Variants in AK9 observed in about 807,000 individuals in gnomAD.
AK9 encodes the protein adenylate kinase domain containing 1.
AK9 carries 191 observed loss-of-function variants against 239.6 expected under a neutral mutation model. The observed-to-expected ratio is 0.80, with a 90% CI of 0.71 to 0.90. AK9 has a LOEUF of 0.90. Ranked by LOEUF, AK9 falls within the 40% of genes least tolerant of loss-of-function variation. The probability of loss-of-function intolerance (pLI) is 0.00; values close to 1 mark genes in which losing one functional copy is unlikely to be tolerated. For missense variants in AK9, 1,995 were observed against 2,214.7 expected, an observed-to-expected ratio of 0.90 and a Z score of 1.99; for synonymous variants, 689 against 721.0, an observed-to-expected ratio of 0.96 and a Z score of 0.71.
intron 8 of AK9, 117 bp from the exon 9 acceptor site, chr6:109,644,805 T>C: frequency 1.4e-6 from 1 of 700,712 alleles, no homozygotes; most frequent in Non-Finnish European, 2.2e-6. Flanking sequence ...GCCTTATACA[T>C]GCTATAATGT....
intron 1 of AK9, among the ~76,000 whole-genome samples, chr6:109,689,189 CTTT>C (rs201071633): frequency 6.6e-6 from 1 of 151,468 alleles, no homozygotes; most frequent in African/African-American, 2.4e-5. Context: ...TCCCATTAAT[CTTT>C]TTTTTTGTAA....
chr6:109,619,571 T>C (rs1794581991), intron 12 of AK9, among the ~76,000 whole-genome samples: 1 of 152,230 alleles, frequency 6.6e-6, no homozygotes, highest in Admixed American at 6.5e-5. Flanking sequence ...TTACATACAA[T>C]AAAAGGCATA....
At chr6:109,632,627 T>G (rs1402551162) in intron 12 of AK9, 2 of 469,694 alleles carry the variant, frequency 4.3e-6, no homozygotes, top group Non-Finnish European at 6.1e-6. Flanking sequence ...AGAAGATGAG[T>G]AGAACCAAGA....
At chr6:109,601,075 C>T (rs922848516) in intron 17 of AK9, among the ~76,000 whole-genome samples, 7 of 152,240 alleles carry the variant, frequency 4.6e-5, no homozygotes, top group African/African-American at 1.2e-4. Context: ...TCTCTATCTC[C>T]GTCAGTTCTG....
chr6:109,563,808 A>G, intron 23 of AK9, 96 bp from the exon 24 acceptor site: 1 of 1,338,856 alleles, frequency 7.5e-7, no homozygotes, highest in South Asian at 1.5e-5. Flanking sequence ...GATTATTATT[A>G]TTATTAGTCT....
chr6:109,500,605 T>C (rs189972508), intron 35 of AK9, among the ~76,000 whole-genome samples: 1 of 152,358 alleles, frequency 6.6e-6, no homozygotes, highest in Non-Finnish European at 1.5e-5. Context: ...GTTTGTTTTT[T>C]GTTTGTTAGG....
intron 19 of AK9, among the ~76,000 whole-genome samples, chr6:109,582,551 C>T (rs2128209017): frequency 6.6e-6 from 1 of 152,246 alleles, no homozygotes; most frequent in African/African-American, 2.4e-5. Flanking sequence ...GCTGCAATCT[C>T]ATGATCAAAC....
chr6:109,614,061 C>T, intron 15 of AK9, 122 bp downstream of exon 15: 1 of 874,690 alleles, frequency 1.1e-6, no homozygotes, highest in Non-Finnish European at 1.8e-6. Context: ...AAATATTTAG[C>T]TTTTTTCCTC....
chr6:109,678,555 A>G (rs1361588231), intron 1 of AK9, among the ~76,000 whole-genome samples: 1 of 152,214 alleles, frequency 6.6e-6, no homozygotes, highest in African/African-American at 2.4e-5. Flanking sequence ...ATTCCTCTAT[A>G]TTATTTCTTA....
intron 1 of AK9, among the ~76,000 whole-genome samples, chr6:109,687,814 T>C (rs866857012): frequency 6.6e-6 from 1 of 152,222 alleles, no homozygotes; most frequent in African/African-American, 2.4e-5. Context: ...TTTAAGCTGC[T>C]AAATTTGCAG....
chr6:109,632,888 T>C (rs1562522199), intron 12 of AK9, 35 bp downstream of exon 12: 23 of 1,593,264 alleles, frequency 1.4e-5, no homozygotes, highest in East Asian at 2.2e-5. Flanking sequence ...GATAGATAGA[T>C]AGATAGATAG....
intron 12 of AK9, chr6:109,632,454 T>C: frequency 9.1e-6 from 4 of 440,880 alleles, no homozygotes; most frequent in Non-Finnish European, 9.0e-6. Context: ...TTGTCTAAGC[T>C]AAAAATAATT....
chr6:109,612,671 G>A (rs1793714341), intron 15 of AK9, among the ~76,000 whole-genome samples: 1 of 152,016 alleles, frequency 6.6e-6, no homozygotes, highest in African/African-American at 2.4e-5. Flanking sequence ...GTGTGTTAAG[G>A]GAGGAGGAGT....
chr6:109,602,932 T>C (rs980252124), intron 17 of AK9, among the ~76,000 whole-genome samples: 2 of 152,238 alleles, frequency 1.3e-5, no homozygotes, highest in Admixed American at 1.3e-4. Context: ...TCAGGTCCTC[T>C]AAGGACTTCT....
chr6:109,588,211 C>T (rs1789765733), intron 17 of AK9, among the ~76,000 whole-genome samples: 1 of 152,152 alleles, frequency 6.6e-6, no homozygotes, highest in African/African-American at 2.4e-5. Context: ...GCTGGGACTA[C>T]AGGCATGCGC....
intron 21 of AK9, among the ~76,000 whole-genome samples, chr6:109,570,903 G>C (rs1315454643): frequency 1.3e-5 from 2 of 152,086 alleles, no homozygotes; most frequent in Non-Finnish European, 2.9e-5. Flanking sequence ...GCATTGAAAA[G>C]GATCCTTTGA....
chr6:109,550,733 T>C (rs1784258592), intron 24 of AK9, among the ~76,000 whole-genome samples: 1 of 152,228 alleles, frequency 6.6e-6, no homozygotes, highest in African/African-American at 2.4e-5. Flanking sequence ...TAAGTGGATA[T>C]ATGATCAAAT....
chr6:109,632,780 C>T, intron 12 of AK9, 143 bp downstream of exon 12: 1 of 1,362,718 alleles, frequency 7.3e-7, no homozygotes, highest in Non-Finnish European at 9.5e-7. Context: ...AACAATTATT[C>T]AATTAAAACA....
chr6:109,620,804 T>C (rs545996788), intron 12 of AK9, among the ~76,000 whole-genome samples: 2 of 151,264 alleles, frequency 1.3e-5, no homozygotes, highest in Non-Finnish European at 1.5e-5. Flanking sequence ...ATACTATATA[T>C]ACTATTCATA....
Sources: allele counts gnomAD v4.1 joint callset (sites outside exome capture counted in the v4.1 genomes callset), GRCh38; gene constraint gnomAD v4.1.1; transcripts MANE v1.5; gene names NCBI Gene and HGNC (gene_info 2026-07-23, HGNC 2026-07-21).